Variants in BTRC observed in about 807,000 individuals in gnomAD.
BTRC encodes beta-transducin repeat containing E3 ubiquitin protein ligase, also known as F-box/WD repeat-containing protein 1A.
A neutral mutation model predicts 85.5 loss-of-function variants in BTRC; 42 were observed. The observed-to-expected ratio is 0.49, with a 90% CI of 0.38 to 0.64. The LOEUF (loss-of-function observed/expected upper bound fraction) is 0.64, where lower values mean the gene tolerates loss of function less well. BTRC is among the 30% of genes least tolerant of loss of function. BTRC has a pLI of 0.00. For synonymous variants in BTRC, 255 were observed against 263.3 expected (o/e 0.97, Z 0.30); for missense variants, 594 against 743.5 (o/e 0.80, Z 2.34).
chr10:101,513,279 G>GTAA (rs889860167), intron 4 of BTRC, among the ~76,000 whole-genome samples: 3 of 152,076 alleles, frequency 2.0e-5, no homozygotes, highest in Non-Finnish European at 4.4e-5. Context: ...TGTACTCTTA[G>GTAA]AAGTTTTTTT....
At chr10:101,451,729 G>A (rs772272252) in intron 2 of BTRC, among the ~76,000 whole-genome samples, 2 of 152,160 alleles carry the variant, frequency 1.3e-5, no homozygotes, top group Admixed American at 6.5e-5. Context: ...GTATGGCAGA[G>A]GGTCAGTAAT....
intron 1 of BTRC, among the ~76,000 whole-genome samples, chr10:101,395,149 C>G (rs897917744): frequency 7.2e-5 from 11 of 152,094 alleles, no homozygotes; most frequent in African/African-American, 2.4e-4. Flanking sequence ...GGAGTTGAGG[C>G]CTCACACAGA....
chr10:101,454,619 A>G (rs896011245), intron 2 of BTRC, among the ~76,000 whole-genome samples: 2 of 152,120 alleles, frequency 1.3e-5, no homozygotes, highest in African/African-American at 2.4e-5. Context: ...TGTATCTACA[A>G]AAAAACAGAA....
At chr10:101,424,685 A>AG (rs1944202371) in intron 1 of BTRC, among the ~76,000 whole-genome samples, 4 of 152,190 alleles carry the variant, frequency 2.6e-5, no homozygotes, top group Non-Finnish European at 5.9e-5. Flanking sequence ...AGCCAAGTGT[A>AG]GGGGGAAGAG....
chr10:101,458,525 A>G lies in BTRC; in HGVS notation c.157-3456A>G, dbSNP rs529407645. Among the ~76,000 whole-genome samples, 12 of 152,338 alleles carry G rather than the reference A, an allele frequency of 7.9e-5. No individual in the cohort carries two copies. In the East Asian group the frequency reaches 2.3e-3, roughly 29 times the overall value. On this transcript the variant is annotated intron_variant, in intron 2 of 14. Coordinates refer to ENST00000370187, the MANE Select transcript of BTRC (RefSeq NM_033637.4). ...TTTTAATGGTGGGGAAACAATCAGG[A>G]AATTAATATTGATACAGTGTTATTA...
At chr10:101,383,913 A>G (rs187442904) in intron 1 of BTRC, among the ~76,000 whole-genome samples, 8 of 152,230 alleles carry the variant, frequency 5.3e-5, no homozygotes, top group Admixed American at 6.5e-5. Flanking sequence ...GAGTCTTGCT[A>G]TGTTGCCCAG....
intron 4 of BTRC, among the ~76,000 whole-genome samples, chr10:101,484,132 A>G (rs1945919973): frequency 6.6e-6 from 1 of 152,046 alleles, no homozygotes; most frequent in Non-Finnish European, 1.5e-5. Context: ...GATGTTCTGT[A>G]TTTTAGTTGT....
Position 101,418,046 on chromosome 10 carries a change from T to C in BTRC, c.49-12299T>C, listed in dbSNP as rs117901631. On this transcript the variant is annotated intron_variant, in intron 1 of 14. Coordinates refer to ENST00000370187, the MANE Select transcript of BTRC (RefSeq NM_033637.4). ...AGTTATCTATTATTACATAACAAAT[T>C]ACCTCAAATTGAGTGGCTTATAATA... Among the ~76,000 whole-genome samples, 240 of 152,284 alleles carry C rather than the reference T, an allele frequency of 1.6e-3. 2 individuals are homozygous for C. In the East Asian group the frequency reaches 0.042, roughly 26 times the overall value.
chr10:101,368,890 G>A (rs1463785769), intron 1 of BTRC, among the ~76,000 whole-genome samples: 1 of 152,000 alleles, frequency 6.6e-6, no homozygotes, highest in Non-Finnish European at 1.5e-5. Context: ...GTGGTGGCGG[G>A]CACCTGTAAT....
At chr10:101,396,804 A>AT (rs767729747) in intron 1 of BTRC, among the ~76,000 whole-genome samples, 1,688 of 139,724 alleles carry the variant, frequency 0.012, 13 homozygotes, top group African/African-American at 0.029. Flanking sequence ...TCTCCAAAAG[A>AT]TTTTTTTTTT....
intron 4 of BTRC, among the ~76,000 whole-genome samples, chr10:101,482,806 C>T (rs1945875514): frequency 6.6e-6 from 1 of 152,134 alleles, no homozygotes; most frequent in African/African-American, 2.4e-5. Context: ...TAGCCCTTAA[C>T]TGAATAGTTT....
chr10:101,380,516 C>A (rs746570705), intron 1 of BTRC, among the ~76,000 whole-genome samples: 2 of 152,082 alleles, frequency 1.3e-5, no homozygotes, highest in Non-Finnish European at 2.9e-5. Context: ...ACTTCCCAGA[C>A]GGTGGGGCGG....
chr10:101,538,228 A>G (rs2062415467), intron 12 of BTRC, 65 bp from the exon 13 acceptor site: 4 of 1,333,528 alleles, frequency 3.0e-6, no homozygotes, highest in East Asian at 2.3e-5. Flanking sequence ...AATTTCTGCT[A>G]TTCTTCCCTG....
intron 2 of BTRC, among the ~76,000 whole-genome samples, chr10:101,458,188 G>A (rs558836935): frequency 5.5e-4 from 84 of 152,156 alleles, no homozygotes; most frequent in Non-Finnish European, 9.6e-4. Context: ...GGCAATAAAA[G>A]GAAAAGAAAT....
At chr10:101,415,532 TTATG>T (rs1943918495) in intron 1 of BTRC, among the ~76,000 whole-genome samples, 1 of 13,974 alleles carries the variant, frequency 7.2e-5, no homozygotes, top group African/African-American at 1.1e-4. Context: ...TTATGTTATG[TTATG>T]TTATGTTATG....
intron 5 of BTRC, among the ~76,000 whole-genome samples, chr10:101,523,379 TA>T (rs2062148094): frequency 6.6e-6 from 1 of 152,090 alleles, no homozygotes; most frequent in South Asian, 2.1e-4. Context: ...TCTGAATGCT[TA>T]AGGGCAGACA....
chr10:101,472,282 C>T (rs1945548950), intron 3 of BTRC, among the ~76,000 whole-genome samples: 1 of 138,308 alleles, frequency 7.2e-6, no homozygotes, highest in Non-Finnish European at 1.5e-5. Flanking sequence ...TTCCTCTCTT[C>T]TCTTCTCTTC....
chr10:101,531,227 T>C lies in BTRC; in HGVS notation c.744-10T>C. On this transcript the variant is annotated splice_polypyrimidine_tract_variant and intron_variant, in intron 6 of 14. Transcript: ENST00000370187. ...ATGATTTTCACTGGGAAATATTTGT[T>C]ATTTTTTAGGGGACAGTATTTATTC... 2 of 1,557,770 alleles carry C rather than the reference T, an allele frequency of 1.3e-6. No individual in the cohort carries two copies. Among genetic ancestry groups the C allele is most frequent in the Non-Finnish European group, 1.8e-6 (2 of 1,134,488 alleles).
chr10:101,513,410 A>G (rs986466682), intron 4 of BTRC, among the ~76,000 whole-genome samples: 2 of 152,190 alleles, frequency 1.3e-5, no homozygotes, highest in African/African-American at 2.4e-5. Flanking sequence ...CATTGTCCCA[A>G]AAACATCCCT....
Sources: gnomAD v4.1 joint callset for allele counts (sites outside exome capture counted in the v4.1 genomes callset) on GRCh38, gnomAD v4.1.1 for gene constraint, MANE v1.5 for transcripts, NCBI Gene and HGNC (gene_info 2026-07-23, HGNC 2026-07-21) for gene names.